The following CLPB variants were observed in gnomAD, a reference collection of about 807,000 sequenced individuals.
The protein encoded by CLPB is ClpB family mitochondrial disaggregase, also known as mitochondrial disaggregase.
In CLPB, 40 loss-of-function variants were observed where a neutral mutation model predicts 78.4. The ratio of observed to expected loss-of-function variants is 0.51; its 90% CI spans 0.40 to 0.66. The LOEUF is 0.66. CLPB is among the 30% of genes least tolerant of loss of function. CLPB has a pLI of 0.00. For missense variants in CLPB, 780 were observed against 886.9 expected, an observed-to-expected ratio of 0.88 and a Z score of 1.53; for synonymous variants, 333 against 348.0, an observed-to-expected ratio of 0.96 and a Z score of 0.48.
chr11:72,422,344 G>A (rs1295221953), intron 2 of CLPB, among the ~76,000 whole-genome samples: 2 of 151,690 alleles, frequency 1.3e-5, no homozygotes, highest in African/African-American at 4.8e-5. Flanking sequence ...ACAATACTTG[G>A]AAGCTAAGAC....
intron 4 of CLPB, among the ~76,000 whole-genome samples, chr11:72,379,175 A>C (rs1019682445): frequency 2.0e-5 from 3 of 152,194 alleles, no homozygotes; most frequent in African/African-American, 7.2e-5. Context: ...GCAGCCTTAC[A>C]GCTCTGAAGG....
At chr11:72,319,121 A>G (rs964657060) in intron 6 of CLPB, among the ~76,000 whole-genome samples, 2 of 152,126 alleles carry the variant, frequency 1.3e-5, no homozygotes, top group Non-Finnish European at 2.9e-5. Context: ...CTTTGCTGAC[A>G]CTATTACCCT....
intron 5 of CLPB, among the ~76,000 whole-genome samples, chr11:72,347,004 A>AAAC (rs1555095685): frequency 0.021 from 3,118 of 150,500 alleles, 114 homozygotes; most frequent in African/African-American, 0.073. Flanking sequence ...AAAAAAAAAA[A>AAAC]AAAAAAGGTA....
In CLPB at chr11:72,317,657, C is replaced by A. The variant is rs77475536; in HGVS notation, c.874-437G>T. Among the ~76,000 whole-genome samples, 145 of 152,358 alleles carry A rather than the reference C, an allele frequency of 9.5e-4. 1 individual carries two copies. In the East Asian group the frequency reaches 0.017, roughly 18 times the overall value. On this transcript the variant is annotated intron_variant, in intron 6 of 15. Transcript: ENST00000538039. ...ATGCTTAATAAGTATAAATTCCTTTCTCTTTCCTCTTGAAAAACGTTTTGC... is the reference window on the plus strand; with the variant it reads ...ATGCTTAATAAGTATAAATTCCTTTATCTTTCCTCTTGAAAAACGTTTTGC...
At chr11:72,369,493 A>G (rs887930791) in intron 4 of CLPB, among the ~76,000 whole-genome samples, 1 of 152,038 alleles carries the variant, frequency 6.6e-6, no homozygotes, top group African/African-American at 2.4e-5. Flanking sequence ...GGCAACAAGA[A>G]GAAGGTGGCA....
chr11:72,347,456 CAA>C (rs1387646624), intron 5 of CLPB, among the ~76,000 whole-genome samples: 1 of 152,100 alleles, frequency 6.6e-6, no homozygotes, highest in East Asian at 1.9e-4. Flanking sequence ...GACTCTATCT[CAA>C]AAACCAAAAG....
At chr11:72,361,940 A>C (rs1040399097) in intron 4 of CLPB, among the ~76,000 whole-genome samples, 6 of 152,232 alleles carry the variant, frequency 3.9e-5, no homozygotes, top group African/African-American at 1.4e-4. Flanking sequence ...TACTTACCAT[A>C]AACAGCAGAT....
chr11:72,327,380 C>T (rs1344556927), intron 6 of CLPB, among the ~76,000 whole-genome samples: 1 of 152,242 alleles, frequency 6.6e-6, no homozygotes, highest in East Asian at 1.9e-4. Flanking sequence ...TCAATGTCTA[C>T]TTCGAATATG....
At chr11:72,408,831 C>G (rs950893040) in intron 2 of CLPB, among the ~76,000 whole-genome samples, 2 of 152,178 alleles carry the variant, frequency 1.3e-5, no homozygotes, top group African/African-American at 2.4e-5. Flanking sequence ...CTGTGTTGCT[C>G]TGCAAGTGAA....
At chr11:72,431,347 C>T (rs1220167112) in intron 1 of CLPB, among the ~76,000 whole-genome samples, 6 of 152,182 alleles carry the variant, frequency 3.9e-5, no homozygotes, top group Non-Finnish European at 1.5e-5. Flanking sequence ...AACTCTCAGT[C>T]CAGCCAAAAG....
At chr11:72,308,691 A>G (rs1342138497) in intron 7 of CLPB, 87 bp from the exon 8 acceptor site, 1 of 1,198,658 alleles carries the variant, frequency 8.3e-7, no homozygotes, top group South Asian at 1.2e-5. Context: ...CACTAAGTAT[A>G]CAATATGTTT....
chr11:72,433,540 GAAATAAAT>G (rs563884899), intron 1 of CLPB, among the ~76,000 whole-genome samples: 9,767 of 138,570 alleles, frequency 0.07, 414 homozygotes, highest in Middle Eastern at 0.13. Flanking sequence ...CTCCATCTCA[GAAATAAAT>G]AAATAAATAA....
chr11:72,297,710 C>G (rs1169421497), intron 11 of CLPB, among the ~76,000 whole-genome samples: 1 of 117,234 alleles, frequency 8.5e-6, no homozygotes, highest in African/African-American at 2.9e-5. Context: ...TGTGACATGT[C>G]CAAGCATGTG....
At chr11:72,294,753 C>A (rs1222198212) in intron 12 of CLPB, 60 bp from the exon 13 acceptor site, 1 of 1,415,480 alleles carries the variant, frequency 7.1e-7, no homozygotes, top group Admixed American at 1.7e-5. Flanking sequence ...GGGGGCTGTG[C>A]CTGCCCCTTG....
At chr11:72,393,448 A>G (rs1855312905) in intron 3 of CLPB, among the ~76,000 whole-genome samples, 1 of 152,218 alleles carries the variant, frequency 6.6e-6, no homozygotes. Context: ...TAATCTTTGC[A>G]ACCACCTTAT....
intron 5 of CLPB, among the ~76,000 whole-genome samples, chr11:72,333,819 A>G (rs1950271404): frequency 6.6e-6 from 1 of 152,188 alleles, no homozygotes. Context: ...AGGGCTGAGG[A>G]GCCAGTGGCA....
At chr11:72,329,896 T>C in intron 5 of CLPB, 92 bp from the exon 6 acceptor site, 1 of 914,648 alleles carries the variant, frequency 1.1e-6, no homozygotes, top group Non-Finnish European at 1.7e-6. Context: ...CTGATTTCTA[T>C]GTTGGGAATG....
chr11:72,417,956 C>T (rs1001795169), intron 2 of CLPB, among the ~76,000 whole-genome samples: 2 of 152,196 alleles, frequency 1.3e-5, no homozygotes, highest in South Asian at 2.1e-4. Flanking sequence ...TCTGCAAAGG[C>T]TGGTCAAACA....
chr11:72,289,346 G>A lies in CLPB; in HGVS notation c.*4021C>T, dbSNP rs1949425150. 6.6e-6 allele frequency: 1 copy of A among 152,014 alleles called. No individual in the cohort carries two copies. Among genetic ancestry groups the A allele is most frequent in the African/African-American group, 2.4e-5 (1 of 41,380 alleles). The allele number at this position is 152,014 out of a possible 1,614,324, so 9.4% of individuals were successfully genotyped here. ...CTGGCCACAGTTAACTGAACCAACG[G>A]ACTGACAGCCGGGCATAAGACCTCT... On this transcript the variant is annotated 3_prime_UTR_variant, in exon 16 of 16. Transcript: ENST00000538039.
Sources: allele counts gnomAD v4.1 joint callset (sites outside exome capture counted in the v4.1 genomes callset), GRCh38; gene constraint gnomAD v4.1.1; transcripts MANE v1.5; gene names NCBI Gene and HGNC (gene_info 2026-07-23, HGNC 2026-07-21).